HOXA10: variants seen among roughly 807,000 people sequenced by gnomAD.
HOXA10 encodes the protein homeobox protein Hox-A10.
A neutral mutation model predicts 29.7 loss-of-function variants in HOXA10; 12 were observed. The ratio of observed to expected loss-of-function variants is 0.40; its 90% CI spans 0.26 to 0.65. HOXA10 has a LOEUF of 0.65. Ranked by LOEUF, HOXA10 falls within the 30% of genes least tolerant of loss-of-function variation. The pLI, the probability that HOXA10 is intolerant of heterozygous loss-of-function variation, is 0.37. For synonymous variants in HOXA10, 327 were observed against 280.7 expected, an observed-to-expected ratio of 1.16 and a Z score of -1.65; for missense variants, 656 against 585.9, an observed-to-expected ratio of 1.12 and a Z score of -1.24.
chr7:27,170,828 A>G lies in HOXA10; in HGVS notation c.*1071T>C, dbSNP rs1006130523. 4.4e-6 allele frequency: 2 copies of G among 453,760 alleles called. No homozygotes were observed. Among genetic ancestry groups the G allele is most frequent in the South Asian group, 1.6e-5 (1 of 63,976 alleles). 28.1% of individuals were successfully genotyped at this position (453,760 alleles called of 1,614,324 possible). A position where few individuals can be genotyped will look rare whatever the true frequency, so the allele number is the denominator to read the frequency against. On this transcript the variant is annotated 3_prime_UTR_variant, in exon 2 of 2. Transcript: ENST00000283921. ...ATTTATAGTTTTTTTCTTTTTCTGC[A>G]TCTACAGGTTTGACCCTTTTATGCA...
Position 27,171,473 on chromosome 7 carries a change from A to G in HOXA10, c.*426T>C. 1 of 458,198 alleles carries G rather than the reference A, an allele frequency of 2.2e-6. No homozygotes were observed. The highest frequency in any genetic ancestry group is 4.4e-6 in the Non-Finnish European group (1 of 229,368). The allele number at this position is 458,198 out of a possible 1,614,324, so 28.4% of individuals were successfully genotyped here. A position where few individuals can be genotyped will look rare whatever the true frequency, so the allele number is the denominator to read the frequency against. On this transcript the variant is annotated 3_prime_UTR_variant, in exon 2 of 2. Coordinates refer to ENST00000283921, the MANE Select transcript of HOXA10 (RefSeq NM_018951.4). ...TGCCCGGTGGCGGCTCCTTTGCACC[A>G]TTGACCTCAGGCCAGACACCTCAGC...
rs924787347 is a variant in HOXA10 at position 27,173,598 on chromosome 7, C to G, written c.709G>C (p.Gly237Arg). The change falls in exon 1 of 2, where the codon GGG becomes CGG. Residue 237 changes from glycine to arginine, a missense_variant. Transcript: ENST00000283921. ...GSGGGGAQQLGAGPFPAQPPG... is the reference protein window; with the variant it reads ...GSGGGGAQQLRAGPFPAQPPG... Reference sequence around the variant, plus strand: ...GGCTGCGCGGGGAACGGGCCAGCCCCGAGTTGCTGCGCGCCGCCGCCGCCG... The same window carrying G: ...GGCTGCGCGGGGAACGGGCCAGCCCGGAGTTGCTGCGCGCCGCCGCCGCCG... 15 of 1,530,002 alleles carry G rather than the reference C, an allele frequency of 9.8e-6. No homozygotes were observed. The highest frequency in any genetic ancestry group is 1.1e-5 in the Non-Finnish European group (13 of 1,140,338). 94.8% of individuals were successfully genotyped at this position (1,530,002 alleles called of 1,614,324 possible).
chr7:27,179,513 A>C, intron 1 of HOXA10: 1 of 698,110 alleles, frequency 1.4e-6, no homozygotes, highest in South Asian at 1.6e-5. Flanking sequence ...AACCTTAGGG[A>C]GCAATGGGGT....
At chr7:27,177,649 G>A (rs752299288), upstream of HOXA10, among the ~76,000 whole-genome samples, 9 of 152,150 alleles carry the variant, frequency 5.9e-5, no homozygotes, top group African/African-American at 1.9e-4. Flanking sequence ...TTTATTGAGC[G>A]CCTCGGCTTT....
rs758386307 is a variant in HOXA10 at position 27,173,548 on chromosome 7, C to G, written c.759G>C (p.Pro253=). 2.1e-6 allele frequency: 3 copies of G among 1,453,996 alleles called. No homozygotes were observed. Among genetic ancestry groups the G allele is most frequent in the East Asian group, 5.7e-5 (2 of 35,302 alleles). The allele number at this position is 1,453,996 out of a possible 1,614,324, so 90.1% of individuals were successfully genotyped here. A position where few individuals can be genotyped will look rare whatever the true frequency, so the allele number is the denominator to read the frequency against. ...AQPPGRGFDL[P]PALASGSADA... ...CGGCCGAGCCGGAGGCTAGCGCGGG[C>G]GGGAGATCGAAACCGCGCCCCGGGG... The change falls in exon 1 of 2, where the codon CCG becomes CCC. Residue 253 remains proline, a synonymous_variant. Coordinates refer to ENST00000283921, the MANE Select transcript of HOXA10 (RefSeq NM_018951.4).
Position 27,173,554 on chromosome 7 carries a change from A to C in HOXA10, c.753T>G (p.Asp251Glu). The change falls in exon 1 of 2, where the codon GAT becomes GAG. Residue 251 changes from aspartate (D) to glutamate (E), a missense_variant. Physicochemically the swap from Asp to Glu is conservative, Grantham distance 45. Around this residue, in one of 2 missense-constraint regions of HOXA10, gnomAD observed 594 missense variants for 491.9 expected, o/e 1.21. Coordinates refer to ENST00000283921, the MANE Select transcript of HOXA10 (RefSeq NM_018951.4). ...FPAQPPGRGF[D>E]LPPALASGSA... ...AGCCGGAGGCTAGCGCGGGCGGGAGATCGAAACCGCGCCCCGGGGGCTGCG... is the reference window on the plus strand; with the variant it reads ...AGCCGGAGGCTAGCGCGGGCGGGAGCTCGAAACCGCGCCCCGGGGGCTGCG... 6 of 1,456,796 alleles carry C rather than the reference A, an allele frequency of 4.1e-6. No homozygotes were observed. The highest frequency in any genetic ancestry group is 5.4e-6 in the Non-Finnish European group (6 of 1,113,284). The allele number at this position is 1,456,796 out of a possible 1,614,324, so 90.2% of individuals were successfully genotyped here.
chr7:27,179,295 T>G (rs1583437763), upstream of HOXA10, among the ~76,000 whole-genome samples: 1 of 146,720 alleles, frequency 6.8e-6, no homozygotes, highest in South Asian at 2.1e-4. Context: ...TTTGTTTTCC[T>G]CAACCCGCGA....
upstream of HOXA10, among the ~76,000 whole-genome samples, chr7:27,178,980 A>C (rs1783703115): frequency 6.6e-6 from 1 of 152,250 alleles, no homozygotes; most frequent in Non-Finnish European, 1.5e-5. Flanking sequence ...ACATTTTTGC[A>C]TATTTGCAAA....
rs763225004 is a variant in HOXA10, at chr7:27,171,772, G to A, written c.*127C>T. 3.2e-6 allele frequency: 3 copies of A among 944,856 alleles called. No individual in the cohort carries two copies. Among genetic ancestry groups the A allele is most frequent in the Admixed American group, 3.4e-5 (2 of 59,194 alleles). The allele number at this position is 944,856 out of a possible 1,614,324, so 58.5% of individuals were successfully genotyped here. On this transcript the variant is annotated 3_prime_UTR_variant, in exon 2 of 2. Transcript: ENST00000283921. ...AGCCCTGCACAGATGTAACGGCCCA[G>A]GAGATGGCGAGTGTGGGAGGGAGGA...
chr7:27,174,123 C>T lies in HOXA10; in HGVS notation c.184G>A (p.Gly62Arg), dbSNP rs768561565. 2 of 1,588,760 alleles carry T rather than the reference C, an allele frequency of 1.3e-6. No homozygotes were observed. Among genetic ancestry groups the T allele is most frequent in the Non-Finnish European group, 1.7e-6 (2 of 1,175,516 alleles). Residue 62 changes from glycine to arginine, a missense_variant, in exon 1 of 2, where the codon GGG becomes AGG. Gly to Arg is a moderately radical substitution (Grantham distance 125, BLOSUM62 -2). This residue lies in a region of HOXA10 where 594 missense variants were observed against 491.9 expected (regional missense o/e 1.21). Transcript: ENST00000283921. Reference sequence around the variant, plus strand: ...TCGGCGGCGGGCGGCAGGTAGACCCCGCCGTGGGCGTAGTAACCGCCACCG... The same window carrying T: ...TCGGCGGCGGGCGGCAGGTAGACCCTGCCGTGGGCGTAGTAACCGCCACCG... ...GGGGGYYAHGGVYLPPAADLP... is the reference protein window; with the variant it reads ...GGGGGYYAHGRVYLPPAADLP...
chr7:27,176,369 T>C (rs570819209), upstream of HOXA10, among the ~76,000 whole-genome samples: 1 of 152,338 alleles, frequency 6.6e-6, no homozygotes, highest in East Asian at 1.9e-4. Context: ...TCTAGGCCCA[T>C]GAGACGGACG....
At chr7:27,174,536 T>A (rs1783612316), upstream of HOXA10, among the ~76,000 whole-genome samples, 1 of 152,324 alleles carries the variant, frequency 6.6e-6, no homozygotes, top group East Asian at 1.9e-4. Flanking sequence ...CCGGGAGCTG[T>A]GGGGGCTGCC....
Position 27,173,488 on chromosome 7 carries a change from C to T in HOXA10, c.819G>A (p.Pro273=), listed in dbSNP as rs770476472. Residue 273 remains proline, a synonymous_variant, in exon 1 of 2, where the codon CCG becomes CCA. Transcript: ENST00000283921. ...TGCCGCAAGCCAGCGTGGGGGGCGG[C>T]GGCGAATCGAGGGCTCGCTCCTTCC... is the stretch of plus-strand genomic sequence containing the variant. ...AARKERALDS[P]PPPTLACGSG... The T allele has an allele frequency of 1.9e-6, 3 of 1,544,318 alleles. No homozygotes were observed. Among genetic ancestry groups the T allele is most frequent in the South Asian group, 2.4e-5 (2 of 83,746 alleles).
rs937981344 is a variant in HOXA10 at position 27,173,639 on chromosome 7, G to C, written c.668C>G (p.Ala223Gly). 5.8e-6 allele frequency: 9 copies of C among 1,544,954 alleles called. No homozygotes were observed. Among genetic ancestry groups the C allele is most frequent in the Non-Finnish European group, 7.0e-6 (8 of 1,144,918 alleles). Residue 223 changes from alanine to glycine, a missense_variant, in exon 1 of 2, where the codon GCC becomes GGC. Ala to Gly is a moderately conservative substitution (Grantham distance 60). Transcript: ENST00000283921. ...GCCGCCGCCGCTGCCATAGCCCTTG[G>C]CGGTGCCGTAGGCCTGAGAAAGGCG... ...YFRLSQAYGT[A>G]KGYGSGGGGA...
In HOXA10 at chr7:27,170,962, C is replaced by CAA. The variant is rs34311813; in HGVS notation, c.*935_*936dup. The CAA allele has an allele frequency of 6.7e-3, 2,668 of 400,108 alleles. No homozygotes were observed. Among genetic ancestry groups the CAA allele is most frequent in the Admixed American group, 0.013 (486 of 36,714 alleles). 24.8% of individuals were successfully genotyped at this position (400,108 alleles called of 1,614,324 possible). ...GTGAATTTCAGAAAGCAAAAACAAA[C>CAA]AAAAAAAAAACTTTTTGTTCAAGGC... On this transcript the variant is annotated 3_prime_UTR_variant, in exon 2 of 2. Coordinates refer to ENST00000283921, the MANE Select transcript of HOXA10 (RefSeq NM_018951.4).
rs1230259443 is a variant in HOXA10 at position 27,170,624 on chromosome 7, T to C, written c.*1275A>G. The C allele has an allele frequency of 2.8e-6, 1 of 354,230 alleles. No homozygotes were observed. Among genetic ancestry groups the C allele is most frequent in the African/African-American group, 2.1e-5 (1 of 46,616 alleles). The allele number at this position is 354,230 out of a possible 1,614,324, so 21.9% of individuals were successfully genotyped here. On this transcript the variant is annotated 3_prime_UTR_variant, in exon 2 of 2. Transcript: ENST00000283921. ...AAAAGCTTCATTCCACAGCTTTTAT[T>C]CTATAAGAACATAAACATCGTCTTT... is the stretch of plus-strand genomic sequence containing the variant.
chr7:27,179,705 C>T (rs750611630), exon 1 of HOXA10: 1 of 772,498 alleles, frequency 1.3e-6, no homozygotes, highest in Non-Finnish European at 2.4e-6. Flanking sequence ...CGGCGACGCT[C>T]GCGAGGCCTA....
upstream of HOXA10, chr7:27,174,747 C>G: frequency 5.6e-6 from 1 of 177,102 alleles, no homozygotes; most frequent in Non-Finnish European, 1.2e-5. Flanking sequence ...GTACTCTAAC[C>G]ACTGAAGCGG....
Position 27,173,918 on chromosome 7 carries a change from G to T in HOXA10, c.389C>A (p.Pro130His), listed in dbSNP as rs1380495885. The T allele has an allele frequency of 2.0e-6, 3 of 1,522,612 alleles. No individual in the cohort carries two copies. The highest frequency in any genetic ancestry group is 2.6e-6 in the Non-Finnish European group (3 of 1,137,174). 94.3% of individuals were successfully genotyped at this position (1,522,612 alleles called of 1,614,324 possible). Residue 130 changes from proline to histidine, a missense_variant, in exon 1 of 2, where the codon CCT (proline) becomes CAT (histidine). By Grantham distance (77) the Pro-to-His change is moderately conservative. Transcript: ENST00000283921. ...CTGGGGCGGCGGCGGCGGCCCGTCA[G>T]GCGGCTCCATCCGGCAAGACCGGGG... ...DAPRSCRMEP[P>H]DGPPPPPQQQ...
Sources: gnomAD v4.1 joint callset for allele counts (sites outside exome capture counted in the v4.1 genomes callset) on GRCh38, gnomAD v4.1.1 for gene constraint, gnomAD v4.1.1 regional missense constraint, MANE v1.5 for transcripts, NCBI Gene and HGNC (gene_info 2026-07-23, HGNC 2026-07-21) for gene names.